ZFYVE9: variants seen among roughly 807,000 people sequenced by gnomAD.
The protein encoded by ZFYVE9 is zinc finger FYVE domain-containing protein 9.
Under a neutral mutation model 126.7 loss-of-function variants are expected in ZFYVE9, and 43 were observed. The ratio of observed to expected loss-of-function variants is 0.34; its 90% CI spans 0.27 to 0.44. The LOEUF (loss-of-function observed/expected upper bound fraction) is 0.44. Ranked by LOEUF, ZFYVE9 falls within the 20% of genes least tolerant of loss-of-function variation. ZFYVE9 has a pLI of 1.00. For missense variants in ZFYVE9, 1,476 were observed against 1,697.0 expected, an observed-to-expected ratio of 0.87 and a Z score of 2.29; for synonymous variants, 521 against 597.4, an observed-to-expected ratio of 0.87 and a Z score of 1.87.
chr1:52,316,165 C>CAAAAAAAAAAAAAAAA (rs367815611), intron 13 of ZFYVE9, among the ~76,000 whole-genome samples: 1 of 39,212 alleles, frequency 2.6e-5, no homozygotes, highest in Non-Finnish European at 4.3e-5. Flanking sequence ...AACTCCATCT[C>CAAAAAAAAAAAAAAAA]AAAAAAAAAA....
chr1:52,248,802 A>G, intron 4 of ZFYVE9, among the ~76,000 whole-genome samples: 1 of 152,214 alleles, frequency 6.6e-6, no homozygotes, highest in South Asian at 2.1e-4. Context: ...TTGCTGGATT[A>G]TATGGTAGTC....
At chr1:52,332,388 TA>T (rs552346118) in intron 13 of ZFYVE9, among the ~76,000 whole-genome samples, 220 of 152,312 alleles carry the variant, frequency 1.4e-3, no homozygotes, top group Non-Finnish European at 2.6e-3. Context: ...CAGATGTACT[TA>T]AATATGGGAC....
intron 1 of ZFYVE9, among the ~76,000 whole-genome samples, chr1:52,195,227 T>A (rs1448374852): frequency 6.6e-6 from 1 of 152,344 alleles, no homozygotes; most frequent in East Asian, 1.9e-4. Flanking sequence ...ATGGAAGCAT[T>A]TTTTACACTG....
At chr1:52,325,315 G>A (rs1164952948) in intron 13 of ZFYVE9, among the ~76,000 whole-genome samples, 2 of 151,984 alleles carry the variant, frequency 1.3e-5, no homozygotes, top group Non-Finnish European at 2.9e-5. Flanking sequence ...GCGACAGAGC[G>A]AGACTCCATC....
chr1:52,172,998 TCTC>T (rs1644588354), intron 1 of ZFYVE9, among the ~76,000 whole-genome samples: 1 of 151,520 alleles, frequency 6.6e-6, no homozygotes, highest in South Asian at 2.1e-4. Flanking sequence ...TTTATTTCCT[TCTC>T]CTGCCTAATT....
chr1:52,216,397 G>A lies in ZFYVE9; in HGVS notation c.-114G>A, dbSNP rs1041627403. The A allele has an allele frequency of 2.5e-6, 1 of 398,352 alleles. No homozygotes were observed. The highest frequency in any genetic ancestry group is 4.4e-6 in the Non-Finnish European group (1 of 226,008). The allele number at this position is 398,352 out of a possible 1,614,324, so 24.7% of individuals were successfully genotyped here. A position where few individuals can be genotyped will look rare whatever the true frequency, so the allele number is the denominator to read the frequency against. The stretch of plus-strand genomic sequence containing the variant: ...CAAACAGAGCATACTGAATCAGCAG[G>A]ACTGGCTGGTGGTGCAGCAGACATC... On this transcript the variant is annotated 5_prime_UTR_variant, in exon 2 of 19. Coordinates refer to ENST00000287727, the MANE Select transcript of ZFYVE9 (RefSeq NM_004799.4).
At chr1:52,343,361 G>A (rs543426928) in intron 17 of ZFYVE9, among the ~76,000 whole-genome samples, 30 of 152,000 alleles carry the variant, frequency 2.0e-4, no homozygotes, top group South Asian at 4.1e-4. Context: ...CAGGAGAATC[G>A]CTTGAACCTG....
At chr1:52,250,265 T>C (rs1342811197) in intron 4 of ZFYVE9, among the ~76,000 whole-genome samples, 2 of 152,232 alleles carry the variant, frequency 1.3e-5, no homozygotes, top group East Asian at 3.8e-4. Context: ...TCCATTTATT[T>C]GTATGTTCTT....
chr1:52,150,985 T>C (rs970404575), intron 1 of ZFYVE9, among the ~76,000 whole-genome samples: 10 of 150,302 alleles, frequency 6.7e-5, no homozygotes, highest in Non-Finnish European at 1.3e-4. Context: ...CTGGTGATAA[T>C]TGTCTTTTTT....
intron 13 of ZFYVE9, among the ~76,000 whole-genome samples, chr1:52,325,932 G>A (rs1646287496): frequency 6.6e-6 from 1 of 152,214 alleles, no homozygotes; most frequent in African/African-American, 2.4e-5. Context: ...ACACACTTCT[G>A]CAGCATAATC....
At chr1:52,199,291 C>G (rs2124565912) in intron 1 of ZFYVE9, among the ~76,000 whole-genome samples, 1 of 152,194 alleles carries the variant, frequency 6.6e-6, no homozygotes, top group Middle Eastern at 3.4e-3. Context: ...TTTTGATCTC[C>G]TGACCTCGTG....
intron 17 of ZFYVE9, among the ~76,000 whole-genome samples, chr1:52,341,816 G>A (rs968374430): frequency 1.3e-5 from 2 of 152,230 alleles, no homozygotes; most frequent in Non-Finnish European, 2.9e-5. Context: ...CAGGCTCCAT[G>A]ATTTCATATG....
chr1:52,273,940 T>C (rs1037215329), intron 7 of ZFYVE9, among the ~76,000 whole-genome samples: 10 of 152,030 alleles, frequency 6.6e-5, no homozygotes, highest in African/African-American at 2.4e-4. Context: ...TATTAACATA[T>C]ATAACAAATG....
chr1:52,151,876 G>A (rs1056814017), intron 1 of ZFYVE9, among the ~76,000 whole-genome samples: 3 of 152,156 alleles, frequency 2.0e-5, no homozygotes, highest in African/African-American at 7.2e-5. Flanking sequence ...AGTCAAATAA[G>A]TTTGGGTTTT....
At chr1:52,254,821 C>A (rs771545969) in intron 4 of ZFYVE9, among the ~76,000 whole-genome samples, 4 of 151,990 alleles carry the variant, frequency 2.6e-5, no homozygotes, top group African/African-American at 4.8e-5. Flanking sequence ...TAAAAAATGG[C>A]GGGATGTGGT....
intron 1 of ZFYVE9, among the ~76,000 whole-genome samples, chr1:52,152,209 C>T (rs1288462183): frequency 6.6e-6 from 1 of 151,940 alleles, no homozygotes; most frequent in Non-Finnish European, 1.5e-5. Flanking sequence ...AGGCTGATCT[C>T]GAACTCCTGA....
At chr1:52,340,094 C>G in intron 16 of ZFYVE9, 32 bp from the exon 17 acceptor site, 1 of 1,567,894 alleles carries the variant, frequency 6.4e-7, no homozygotes, top group Non-Finnish European at 8.8e-7. Context: ...ACTTCAAGAG[C>G]TGCTTCTATC....
rs1375253236 is a variant in ZFYVE9 at position 52,197,956 on chromosome 1, C to T, written c.-142-18413C>T. On this transcript the variant is annotated intron_variant, in intron 1 of 18. Coordinates refer to ENST00000287727, the MANE Select transcript of ZFYVE9 (RefSeq NM_004799.4). ...ACTATTTCATATCAGATAGGTGAAG[C>T]TGTGGCCTCAGAATTTGAGTGAGAG... Among the ~76,000 whole-genome samples the T allele has an allele frequency of 2.0e-5, 3 of 152,044 alleles. No homozygotes were observed. In the East Asian group the frequency reaches 5.8e-4, roughly 29 times the overall value.
chr1:52,144,280 C>G (rs1190545629), intron 1 of ZFYVE9, among the ~76,000 whole-genome samples: 1 of 151,962 alleles, frequency 6.6e-6, no homozygotes, highest in Non-Finnish European at 1.5e-5. Flanking sequence ...GATTGGGCCA[C>G]TGACTCTAGC....
Sources: allele counts gnomAD v4.1 joint callset (sites outside exome capture counted in the v4.1 genomes callset), GRCh38; gene constraint gnomAD v4.1.1; transcripts MANE v1.5; gene names NCBI Gene and HGNC (gene_info 2026-07-23, HGNC 2026-07-21).